The following DCAF6 variants were observed in gnomAD, a reference collection of about 807,000 sequenced individuals.
The protein encoded by DCAF6 is DDB1 and CUL4 associated factor 6.
A neutral mutation model predicts 125.1 loss-of-function variants in DCAF6; 54 were observed. That is an observed-to-expected ratio of 0.43 (90% CI 0.35 to 0.54). The LOEUF (loss-of-function observed/expected upper bound fraction) is 0.54. Ranked by LOEUF, DCAF6 falls within the 20% of genes least tolerant of loss-of-function variation. The probability of loss-of-function intolerance (pLI) is 0.01; values close to 1 mark genes in which losing one functional copy is unlikely to be tolerated. For missense variants in DCAF6, 934 were observed against 1,161.7 expected (o/e 0.80, Z 2.85); for synonymous variants, 371 against 390.4 (o/e 0.95, Z 0.58).
chr1:167,866,880 G>T, the DCAF6 span, among the ~76,000 whole-genome samples: 2 of 152,096 alleles, frequency 1.3e-5, no homozygotes, highest in Non-Finnish European at 2.9e-5. Flanking sequence ...GTTTCCAAAG[G>T]CTGGCCCCCA....
Position 167,936,887 on chromosome 1 carries a change from C to T in DCAF6, c.-25C>T, listed in dbSNP as rs768013301. The T allele has an allele frequency of 2.6e-6, 4 of 1,565,668 alleles. No homozygotes were observed. The East Asian group carries it at 6.9e-5, about 27-fold the overall frequency. On this transcript the variant is annotated 5_prime_UTR_variant, in exon 1 of 22. Coordinates refer to ENST00000367840, the MANE Select transcript of DCAF6 (RefSeq NM_001198956.2). ...TCCCCTCCCCCACGCGGTGGTCTCC[C>T]CTCCCACCCGGCTCAGGCAGAGCCA... is the stretch of plus-strand genomic sequence containing the variant.
At chr1:167,874,654 G>A in the DCAF6 span, among the ~76,000 whole-genome samples, 2 of 152,134 alleles carry the variant, frequency 1.3e-5, no homozygotes, top group Non-Finnish European at 2.9e-5. Flanking sequence ...TTCACCAAAA[G>A]ACTTGTGTAA....
intron 2 of DCAF6, among the ~76,000 whole-genome samples, chr1:167,960,540 G>A (rs1290014694): frequency 2.6e-5 from 4 of 152,018 alleles, no homozygotes; most frequent in African/African-American, 9.7e-5. Flanking sequence ...CTGACCTCGT[G>A]ATCTTCCTGT....
Position 167,936,878 on chromosome 1 carries a change from G to C in DCAF6, c.-34G>C. 1 of 1,539,516 alleles carries C rather than the reference G, an allele frequency of 6.5e-7. No individual in the cohort carries two copies. Among genetic ancestry groups the C allele is most frequent in the Non-Finnish European group, 8.8e-7 (1 of 1,133,848 alleles). ...TCCCCCTCCTCCCCTCCCCCACGCG[G>C]TGGTCTCCCCTCCCACCCGGCTCAG... On this transcript the variant is annotated 5_prime_UTR_variant, in exon 1 of 22. Transcript: ENST00000367840.
chr1:168,015,521 T>G (rs1684848410), intron 10 of DCAF6, among the ~76,000 whole-genome samples: 1 of 152,182 alleles, frequency 6.6e-6, no homozygotes. Context: ...ACTTTTTATT[T>G]CCATTTGGTT....
At chr1:168,028,004 C>T (rs1686564742) in intron 12 of DCAF6, among the ~76,000 whole-genome samples, 1 of 151,822 alleles carries the variant, frequency 6.6e-6, no homozygotes, top group African/African-American at 2.4e-5. Flanking sequence ...TCAGTGTTCT[C>T]CAAATTTGGA....
intron 1 of DCAF6, among the ~76,000 whole-genome samples, chr1:167,940,865 T>G (rs1307188198): frequency 2.0e-5 from 3 of 152,198 alleles, no homozygotes; most frequent in Non-Finnish European, 4.4e-5. Context: ...ATAAAATGTG[T>G]AAATTATGAT....
At chr1:167,995,701 A>C (rs1445013886) in intron 7 of DCAF6, among the ~76,000 whole-genome samples, 2 of 151,848 alleles carry the variant, frequency 1.3e-5, no homozygotes, top group South Asian at 2.1e-4. Flanking sequence ...AAAAAAGCTT[A>C]TTATAACAAA....
the DCAF6 span, chr1:167,902,183 G>C: frequency 2.1e-6 from 2 of 944,776 alleles, no homozygotes; most frequent in Non-Finnish European, 3.3e-6. Flanking sequence ...TTATACTAAA[G>C]ATCTCATCCC....
chr1:167,995,238 A>G (rs1438659147), intron 7 of DCAF6, among the ~76,000 whole-genome samples: 1 of 152,222 alleles, frequency 6.6e-6, no homozygotes, highest in African/African-American at 2.4e-5. Context: ...ACTAGTTTTG[A>G]TACCATGGAA....
chr1:167,947,398 T>C (rs776702506), intron 1 of DCAF6, among the ~76,000 whole-genome samples: 2 of 152,026 alleles, frequency 1.3e-5, no homozygotes, highest in Non-Finnish European at 2.9e-5. Context: ...TTATTTCTTT[T>C]CTTCTGCTAG....
At chr1:167,901,718 T>A in the DCAF6 span, 1 of 1,614,216 alleles carries the variant, frequency 6.2e-7, no homozygotes, top group Non-Finnish European at 8.5e-7. Flanking sequence ...AAACAATCCA[T>A]GGATCTCCAG....
rs530198719 is a variant in DCAF6 at position 168,075,687 on chromosome 1, A to G, written c.*252A>G. 8.4e-5 allele frequency: 29 copies of G among 344,826 alleles called. No homozygotes were observed. The South Asian group carries it at 8.5e-4, about 10-fold the overall frequency. The allele number at this position is 344,826 out of a possible 1,614,324, so 21.4% of individuals were successfully genotyped here. A position where few individuals can be genotyped will look rare whatever the true frequency, so the allele number is the denominator to read the frequency against. ...GGAGTGCTAGAAAATGCAAAGTGCA[A>G]TATTTTCCCTAACCTTCAAATGTGG... is the stretch of plus-strand genomic sequence containing the variant. On this transcript the variant is annotated 3_prime_UTR_variant, in exon 22 of 22. Transcript: ENST00000367840.
Position 168,002,552 on chromosome 1 carries a change from C to A in DCAF6, c.974C>A (p.Pro325Gln). Residue 325 changes from proline (P) to glutamine (Q), a missense_variant, in exon 8 of 22, where the codon CCG becomes CAG. Coordinates refer to ENST00000367840, the MANE Select transcript of DCAF6 (RefSeq NM_001198956.2). ...DWSDTGPRAR[P>Q]ESERERDGEQ... is the part of the protein sequence containing the mutation. ...TCAGATACTGGACCCAGAGCAAGGC[C>A]GGAGAGTGAACGAGAACGAGATGGT... The A allele has an allele frequency of 6.2e-7, 1 of 1,612,776 alleles. No individual in the cohort carries two copies. Among genetic ancestry groups the A allele is most frequent in the Non-Finnish European group, 8.5e-7 (1 of 1,179,068 alleles).
At chr1:168,065,486 A>T (rs1178240742) in intron 18 of DCAF6, 104 bp from the exon 19 acceptor site, 54 of 948,654 alleles carry the variant, frequency 5.7e-5, no homozygotes, top group Non-Finnish European at 7.7e-5. Flanking sequence ...CCAGTTTTTT[A>T]AAAAATGTAA....
chr1:167,985,580 C>G (rs1373581718), intron 4 of DCAF6, among the ~76,000 whole-genome samples: 2 of 152,078 alleles, frequency 1.3e-5, no homozygotes, highest in African/African-American at 4.8e-5. Context: ...GGATAATCTC[C>G]TTATGGTCAA....
At chr1:167,909,523 A>T in the DCAF6 span, among the ~76,000 whole-genome samples, 1 of 151,956 alleles carries the variant, frequency 6.6e-6, no homozygotes, top group Admixed American at 6.5e-5. Context: ...CAAATTTGTA[A>T]ACTTTCTTAA....
At chr1:167,966,583 CT>C in intron 2 of DCAF6, 45 bp from the exon 3 acceptor site, 3 of 1,260,794 alleles carry the variant, frequency 2.4e-6, no homozygotes, top group Non-Finnish European at 3.5e-6. Flanking sequence ...GGCATATTTT[CT>C]TTTATGTCCA....
intron 12 of DCAF6, among the ~76,000 whole-genome samples, chr1:168,030,727 T>TAGTAATAAATAGC (rs1292720537): frequency 1.3e-5 from 2 of 152,228 alleles, no homozygotes; most frequent in Non-Finnish European, 2.9e-5. Flanking sequence ...GTAGATAGTT[T>TAGTAATAAATAGC]AGTAATAAAT....
Sources: allele counts gnomAD v4.1 joint callset (sites outside exome capture counted in the v4.1 genomes callset), GRCh38; gene constraint gnomAD v4.1.1; transcripts MANE v1.5; gene names NCBI Gene and HGNC (gene_info 2026-07-23, HGNC 2026-07-21).